The following ZZEF1 variants were observed in gnomAD, a reference collection of about 807,000 sequenced individuals.
ZZEF1 encodes zinc finger ZZ-type and EF-hand domain-containing protein 1.
ZZEF1 carries 157 observed loss-of-function variants against 342.8 expected under a neutral mutation model. That is an observed-to-expected ratio of 0.46 (90% CI 0.40 to 0.52). The LOEUF is 0.52. Among genes scored for constraint, ZZEF1 ranks in the 20% least tolerant of loss-of-function variants. The pLI, the probability that ZZEF1 is intolerant of heterozygous loss-of-function variation, is 0.00. For synonymous variants in ZZEF1, 1,505 were observed against 1,429.1 expected (o/e 1.05, Z -1.20); for missense variants, 3,480 against 3,725.6 (o/e 0.93, Z 1.72).
At position 4,004,759 on chromosome 17, in the gene ZZEF1, C is replaced by T. The variant is rs1197905383; in HGVS notation, c.*2131G>A. ...TTCGCCTCCTCCGGGCCTGGGGCTC[C>T]TGGAAAGCGCCGGGACGCGGCGGCT... On this transcript the variant is annotated 3_prime_UTR_variant, in exon 55 of 55. Coordinates refer to ENST00000381638, the MANE Select transcript of ZZEF1 (RefSeq NM_015113.4). The T allele has an allele frequency of 2.0e-5, 3 of 152,268 alleles. No homozygotes were observed. Among genetic ancestry groups the T allele is most frequent in the Non-Finnish European group, 4.4e-5 (3 of 68,060 alleles). The allele number at this position is 152,268 out of a possible 1,614,324, so 9.4% of individuals were successfully genotyped here. A position where few individuals can be genotyped will look rare whatever the true frequency, so the allele number is the denominator to read the frequency against.
rs186721199 is a variant in ZZEF1, at chr17:4,110,939, C to T, written c.1067-1076G>A. The stretch of plus-strand genomic sequence containing the variant: ...TGTTGGCCAGGCTGGTCTAGAACTC[C>T]TGACCTCAAGTGACCTGCATGCCTC... On this transcript the variant is annotated intron_variant, in intron 5 of 54. Coordinates refer to ENST00000381638, the MANE Select transcript of ZZEF1 (RefSeq NM_015113.4). 3.5e-4 allele frequency among the ~76,000 whole-genome samples: 54 copies of T among 152,300 alleles called. 2 individuals are homozygous for T. The highest frequency in any genetic ancestry group is 3.1e-3 in the Admixed American group (47 of 15,302).
At chr17:4,057,090 A>G (rs1030684007) in intron 32 of ZZEF1, among the ~76,000 whole-genome samples, 1 of 152,240 alleles carries the variant, frequency 6.6e-6, no homozygotes, top group African/African-American at 2.4e-5. Flanking sequence ...TTTTGGGCCT[A>G]CACTCATACT....
intron 27 of ZZEF1, 29 bp from the exon 28 acceptor site, chr17:4,066,569 T>G (rs977141160): frequency 6.2e-7 from 1 of 1,607,108 alleles, no homozygotes; most frequent in Non-Finnish European, 8.5e-7. Context: ...CACATCATTA[T>G]GCTGTCCAGG....
Position 4,034,344 on chromosome 17 carries a change from C to T in ZZEF1, c.6307-52G>A, listed in dbSNP as rs367806394. 4 of 1,590,754 alleles carry T rather than the reference C, an allele frequency of 2.5e-6. No individual in the cohort carries two copies. In the African/African-American group the frequency reaches 5.4e-5, roughly 21 times the overall value. On this transcript the variant is annotated intron_variant, in intron 39 of 54. Transcript: ENST00000381638. ...TCAGTACAAAATCCACATAACCAAA[C>T]TTGCTAAATATTATATCTCCCTCCT...
chr17:4,074,405 G>A, intron 23 of ZZEF1, 54 bp from the exon 24 acceptor site: 2 of 1,560,096 alleles, frequency 1.3e-6, no homozygotes, highest in Non-Finnish European at 1.8e-6. Flanking sequence ...GAGTGCTTCA[G>A]AAATCAGCAT....
At chr17:4,123,073 C>T (rs1040985742) in intron 2 of ZZEF1, among the ~76,000 whole-genome samples, 46 of 151,578 alleles carry the variant, frequency 3.0e-4, no homozygotes, top group African/African-American at 1.0e-3. Context: ...GCACCCGCCA[C>T]CATGCCCGGA....
rs114705135 is a variant in ZZEF1, at chr17:4,055,834, C to T, written c.5295+382G>A. ...CCTTTTTGGCACCAGGGACCAATTT[C>T]GTAGAAGACAATTTCTGCACAGGAC... On this transcript the variant is annotated intron_variant, in intron 33 of 54. Coordinates refer to ENST00000381638, the MANE Select transcript of ZZEF1 (RefSeq NM_015113.4). Among the ~76,000 whole-genome samples the T allele has an allele frequency of 6.0e-3, 909 of 152,282 alleles. 9 individuals are homozygous for T. Among genetic ancestry groups the T allele is most frequent in the African/African-American group, 0.021 (872 of 41,564 alleles).
At chr17:4,140,869 T>TA (rs2058832600) in intron 1 of ZZEF1, among the ~76,000 whole-genome samples, 1 of 150,298 alleles carries the variant, frequency 6.7e-6, no homozygotes, top group Non-Finnish European at 1.5e-5. Context: ...TGTGTATTCC[T>TA]GGGGGGAAAA....
intron 21 of ZZEF1, among the ~76,000 whole-genome samples, chr17:4,075,688 C>G (rs2057598497): frequency 6.6e-6 from 1 of 152,190 alleles, no homozygotes; most frequent in African/African-American, 2.4e-5. Flanking sequence ...TATGACAGAA[C>G]TACTTACAAA....
chr17:4,057,207 C>A (rs976515734), intron 32 of ZZEF1, among the ~76,000 whole-genome samples: 1 of 152,232 alleles, frequency 6.6e-6, no homozygotes, highest in Non-Finnish European at 1.5e-5. Flanking sequence ...AGCAGGCCCA[C>A]AGCCAAGATC....
rs996070428 is a variant in ZZEF1 at position 4,016,477 on chromosome 17, G to A, written c.8002-11C>T. On this transcript the variant is annotated splice_polypyrimidine_tract_variant and intron_variant, in intron 48 of 54. Transcript: ENST00000381638. This position sits in a 1 kb window ranked among gnomAD's most constrained non-coding sequence, Gnocchi z 4.4. ...CACTTTCTGCAGGATCTGGTGGGAAGCAGACAGATAAGGTCAGGGCCTGCA... is the reference window on the plus strand; with the variant it reads ...CACTTTCTGCAGGATCTGGTGGGAAACAGACAGATAAGGTCAGGGCCTGCA... 1.9e-6 allele frequency: 3 copies of A among 1,604,254 alleles called. No homozygotes were observed. Among genetic ancestry groups the A allele is most frequent in the East Asian group, 2.2e-5 (1 of 44,850 alleles).
intron 16 of ZZEF1, among the ~76,000 whole-genome samples, chr17:4,085,011 C>T (rs1408303310): frequency 2.0e-5 from 3 of 152,112 alleles, no homozygotes; most frequent in Non-Finnish European, 4.4e-5. Flanking sequence ...ACTTGGGAGG[C>T]TGAGGTGGGA....
intron 5 of ZZEF1, among the ~76,000 whole-genome samples, chr17:4,111,450 T>C (rs1460431605): frequency 6.6e-6 from 1 of 151,976 alleles, no homozygotes; most frequent in Non-Finnish European, 1.5e-5. Context: ...ATGAGGTCAG[T>C]AGTTCGAGAC....
intron 36 of ZZEF1, among the ~76,000 whole-genome samples, chr17:4,050,375 C>T (rs1169483128): frequency 2.0e-5 from 3 of 152,028 alleles, no homozygotes; most frequent in Non-Finnish European, 2.9e-5. Flanking sequence ...AGATTCATGT[C>T]GATATATTGC....
intron 43 of ZZEF1, among the ~76,000 whole-genome samples, chr17:4,023,052 T>G (rs1157533944): frequency 6.6e-6 from 1 of 152,178 alleles, no homozygotes; most frequent in Non-Finnish European, 1.5e-5. Flanking sequence ...GACAAAGACC[T>G]ACAAGGTCCC....
At chr17:4,098,196 C>T (rs2058070657) in intron 9 of ZZEF1, among the ~76,000 whole-genome samples, 1 of 149,684 alleles carries the variant, frequency 6.7e-6, no homozygotes, top group Non-Finnish European at 1.5e-5. Context: ...TGAGATCTCA[C>T]CATTGCACTC....
rs890404944 is a variant in ZZEF1 at position 4,016,765 on chromosome 17, G to A, written c.8002-299C>T. 9.7e-5 allele frequency: 31 copies of A among 318,354 alleles called. No homozygotes were observed. The highest frequency in any genetic ancestry group is 9.1e-4 in the Middle Eastern group (1 of 1,104). The allele number at this position is 318,354 out of a possible 1,614,324, so 19.7% of individuals were successfully genotyped here. A position where few individuals can be genotyped will look rare whatever the true frequency, so the allele number is the denominator to read the frequency against. On this transcript the variant is annotated intron_variant, in intron 48 of 54. Coordinates refer to ENST00000381638, the MANE Select transcript of ZZEF1 (RefSeq NM_015113.4). This position sits in a 1 kb window ranked among gnomAD's most constrained non-coding sequence, Gnocchi z 4.4. ...CTTGAAGGAGTCCCCAGCCAAGCAG[G>A]TGGATTGGCCTATGGATAAATAATG...
intron 8 of ZZEF1, 151 bp from the exon 9 acceptor site, chr17:4,102,566 G>C: frequency 1.6e-6 from 1 of 609,200 alleles, no homozygotes; most frequent in Admixed American, 2.9e-5. Context: ...AGTAATATCA[G>C]ACAAAAGTTG....
chr17:4,058,168 G>C lies in ZZEF1; in HGVS notation c.5004-13C>G. 1 of 1,607,378 alleles carries C rather than the reference G, an allele frequency of 6.2e-7. No individual in the cohort carries two copies. Among genetic ancestry groups the C allele is most frequent in the Non-Finnish European group, 8.5e-7 (1 of 1,176,626 alleles). ...AGGGAGCAAGGACCTAAAGGGCCAT[G>C]AAAGTGACCATTAGCAGAGCTGCTT... On this transcript the variant is annotated splice_polypyrimidine_tract_variant and intron_variant, in intron 31 of 54. Transcript: ENST00000381638.
Sources: allele counts gnomAD v4.1 joint callset (sites outside exome capture counted in the v4.1 genomes callset), GRCh38; gene constraint gnomAD v4.1.1; non-coding constraint Gnocchi (gnomAD v3.1); transcripts MANE v1.5; gene names NCBI Gene and HGNC (gene_info 2026-07-23, HGNC 2026-07-21).